Variants in MAP4K2 observed in about 807,000 individuals in gnomAD.
MAP4K2 encodes mitogen-activated protein kinase kinase kinase kinase 2.
Under a neutral mutation model 125.3 loss-of-function variants are expected in MAP4K2, and 85 were observed. The ratio of observed to expected loss-of-function variants is 0.68; its 90% confidence interval spans 0.57 to 0.81. MAP4K2 has a LOEUF of 0.81. Among genes scored for constraint, MAP4K2 ranks in the 40% least tolerant of loss-of-function variants. The pLI, the probability that MAP4K2 is intolerant of heterozygous loss-of-function variation, is 0.00. For synonymous variants in MAP4K2, 479 were observed against 445.1 expected, an observed-to-expected ratio of 1.08 and a Z score of -0.96; for missense variants, 923 against 1,056.4, an observed-to-expected ratio of 0.87 and a Z score of 1.75.
Position 64,799,419 on chromosome 11 carries a change from A to T in MAP4K2, c.1053+2T>A. The T allele has an allele frequency of 1.9e-6, 3 of 1,612,382 alleles. No individual in the cohort carries two copies. Among genetic ancestry groups the T allele is most frequent in the Non-Finnish European group, 2.5e-6 (3 of 1,179,472 alleles). On this transcript the variant is annotated splice_donor_variant, in intron 14 of 31. Coordinates refer to ENST00000294066, the MANE Select transcript of MAP4K2 (RefSeq NM_004579.5). LOFTEE classifies it high-confidence loss of function. ...CCTTCCCCTCAAGGCCTGCCCACTC[A>T]CCGGCTCATTCAGTGGGTCAGTTTC...
At chr11:64,797,863 A>G (rs1012407472) in intron 15 of MAP4K2, among the ~76,000 whole-genome samples, 199 bp from the exon 16 acceptor site, 40 of 151,176 alleles carry the variant, frequency 2.6e-4, no homozygotes, top group Admixed American at 2.4e-3. Context: ...CCGCCACCGC[A>G]CCCGGCTAAT....
rs756968458 is a variant in MAP4K2, at chr11:64,789,543, G to A, written c.2457C>T (p.Thr819=). Residue 819 remains threonine, a synonymous_variant, in exon 32 of 32, where the codon ACC becomes ACT. Transcript: ENST00000294066. Reference sequence around the variant, plus strand: ...CTGGACAGGCCCGCTGCTCTTAGTAGGTGCTCTGGTGGCCCGTGAGGATGT... The same window carrying A: ...CTGGACAGGCCCGCTGCTCTTAGTAAGTGCTCTGGTGGCCCGTGAGGATGT... ...NLYILTGHQS[T]Y The A allele has an allele frequency of 7.0e-6, 11 of 1,582,518 alleles. No individual in the cohort carries two copies. Among genetic ancestry groups the A allele is most frequent in the Non-Finnish European group, 9.5e-6 (11 of 1,163,774 alleles).
In MAP4K2 at chr11:64,789,892, A is replaced by C. The variant is rs1344629267; in HGVS notation, c.2316T>G (p.Asn772Lys). The change falls in exon 30 of 32, where the codon AAT becomes AAG. Residue 772 changes from asparagine to lysine, a missense_variant. Physicochemically the swap from Asn to Lys is moderately conservative, Grantham distance 94. Transcript: ENST00000294066. The part of the protein sequence containing the change: ...HGMQGRSLDT[N>K]EVTQEITDET... ...AAGGTCCCTGGGCCCCACTCACCTC[A>C]TTGGTATCCAGGCTTCGGCCTTGCA... 6.2e-7 allele frequency: 1 copy of C among 1,613,996 alleles called. No homozygotes were observed. The highest frequency in any genetic ancestry group is 1.1e-5 in the South Asian group (1 of 91,088).
chr11:64,797,184 G>A lies in MAP4K2; in HGVS notation c.1285C>T (p.Pro429Ser). The A allele has an allele frequency of 1.2e-6, 2 of 1,613,520 alleles. No homozygotes were observed. Among genetic ancestry groups the A allele is most frequent in the South Asian group, 1.1e-5 (1 of 91,074 alleles). Residue 429 changes from proline (P) to serine (S), a missense_variant, in exon 19 of 32, where the codon CCC becomes TCC. By Grantham distance (74) the Pro-to-Ser change is moderately conservative. This residue lies in a region of MAP4K2 where 833 missense variants were observed against 911.4 expected (regional missense o/e 0.91). Coordinates refer to ENST00000294066, the MANE Select transcript of MAP4K2 (RefSeq NM_004579.5). ...CTGTTGGGGCCTGAAGGAGGTGGGG[G>A]CAGGGTTCCTGCAGGCACAGGCGTG... The part of the protein sequence containing the change: ...EPLSSPPGTL[P>S]PPPSGPNSSP...
At position 64,791,972 on chromosome 11, in the gene MAP4K2, G is replaced by C. The variant is rs374778757; in HGVS notation, c.2029C>G (p.Arg677Gly). Residue 677 changes from arginine (R) to glycine (G), a missense_variant, in exon 27 of 32, where the codon CGC becomes GGC. By Grantham distance (125) the Arg-to-Gly change is moderately radical. Coordinates refer to ENST00000294066, the MANE Select transcript of MAP4K2 (RefSeq NM_004579.5). ...GAEGPEGPGC[R>G]VLFHVLPLEA... ...AGGGGCAGGACATGGAACAGGACGC[G>C]GCAGCCGGGCCCCTCAGGCCCCTCG... 3.1e-6 allele frequency: 5 copies of C among 1,604,614 alleles called. No individual in the cohort carries two copies. In the South Asian group the frequency reaches 5.6e-5, roughly 18 times the overall value.
Position 64,788,196 on chromosome 11 carries a change from A to C in MAP4K2, c.*1341T>G, listed in dbSNP as rs1940278370. 1 of 152,334 alleles carries C rather than the reference A, an allele frequency of 6.6e-6. No homozygotes were observed. Among genetic ancestry groups the C allele is most frequent in the African/African-American group, 2.4e-5 (1 of 41,442 alleles). The allele number at this position is 152,334 out of a possible 1,614,324, so 9.4% of individuals were successfully genotyped here. A position where few individuals can be genotyped will look rare whatever the true frequency, so the allele number is the denominator to read the frequency against. On this transcript the variant is annotated 3_prime_UTR_variant, in exon 32 of 32. Transcript: ENST00000294066. ...CCATCCACCTACCACGTCACTCCGC[A>C]AGTCTTTATTGCCACCCACCAGGTG...
Position 64,801,730 on chromosome 11 carries a change from T to C in MAP4K2, c.394A>G (p.Lys132Glu). The C allele has an allele frequency of 6.2e-7, 1 of 1,613,714 alleles. No individual in the cohort carries two copies. The highest frequency in any genetic ancestry group is 1.1e-5 in the South Asian group (1 of 91,072). Residue 132 changes from lysine (K) to glutamate (E), a missense_variant, in exon 6 of 32, where the codon AAG (lysine) becomes GAG (glutamate). Physicochemically the swap from Lys to Glu is moderately conservative, Grantham distance 56. This residue lies in a region of MAP4K2 where 833 missense variants were observed against 911.4 expected (regional missense o/e 0.91). Transcript: ENST00000294066. The part of the protein sequence containing the change: ...KGLHHLHSQG[K>E]IHRDIKGANL... Reference sequence around the variant, plus strand: ...CCTACCTTGATGTCTCTGTGGATCTTCCCCTGAGAATGCAGGTGGTGGAGC... The same window carrying C: ...CCTACCTTGATGTCTCTGTGGATCTCCCCCTGAGAATGCAGGTGGTGGAGC...
chr11:64,802,749 C>A, intron 2 of MAP4K2, 96 bp from the exon 3 acceptor site: 1 of 1,472,608 alleles, frequency 6.8e-7, no homozygotes, highest in Non-Finnish European at 9.3e-7. Context: ...TCCCTCCGGG[C>A]CAGGCAGGTG....
intron 24 of MAP4K2, among the ~76,000 whole-genome samples, chr11:64,795,343 A>C (rs1181922142): frequency 1.3e-5 from 2 of 151,890 alleles, no homozygotes; most frequent in Non-Finnish European, 2.9e-5. Context: ...CGGCCTCTCA[A>C]AGTGCTAGGA....
intron 24 of MAP4K2, among the ~76,000 whole-genome samples, chr11:64,795,806 C>T (rs1426936219): frequency 1.3e-5 from 2 of 152,158 alleles, no homozygotes; most frequent in Non-Finnish European, 1.5e-5. Context: ...ATTGGGATTA[C>T]AGGCATGAAC....
At chr11:64,800,017 T>A in intron 12 of MAP4K2, 92 bp downstream of exon 12, 1 of 1,059,152 alleles carries the variant, frequency 9.4e-7, no homozygotes. Flanking sequence ...TGAGCTGGAA[T>A]GGTGCCAGTT....
At position 64,800,921 on chromosome 11, in the gene MAP4K2, A is replaced by T. The variant is rs766257056; in HGVS notation, c.641T>A (p.Leu214Gln). 2 of 1,614,034 alleles carry T rather than the reference A, an allele frequency of 1.2e-6. No individual in the cohort carries two copies. Among genetic ancestry groups the T allele is most frequent in the African/African-American group, 1.3e-5 (1 of 75,040 alleles). Residue 214 changes from leucine (L) to glutamine (Q), a missense_variant, in exon 9 of 32, where the codon CTG (leucine) becomes CAG (glutamine). Around this residue, in one of 2 missense-constraint regions of MAP4K2, gnomAD observed 833 missense variants for 911.4 expected, o/e 0.91. Transcript: ENST00000294066. Reference sequence around the variant, plus strand: ...TGACCTCATGGGGTGCAGGTGGAACAGAGGGGGCTGCAGCTCGCCCAGCTC... The same window carrying T: ...TGACCTCATGGGGTGCAGGTGGAACTGAGGGGGCTGCAGCTCGCCCAGCTC... ...AIELGELQPPLFHLHPMRALM... is the reference protein window; with the variant it reads ...AIELGELQPPQFHLHPMRALM...
At chr11:64,801,244 A>G in intron 7 of MAP4K2, 61 bp from the exon 8 acceptor site, 2 of 1,572,756 alleles carry the variant, frequency 1.3e-6, no homozygotes, top group Non-Finnish European at 1.7e-6. Flanking sequence ...TCCCACGCCC[A>G]GGGCTCTGGC....
intron 11 of MAP4K2, 36 bp from the exon 12 acceptor site, chr11:64,800,252 CCT>C (rs748504042): frequency 6.2e-7 from 1 of 1,612,744 alleles, no homozygotes; most frequent in Non-Finnish European, 8.5e-7. Context: ...CAGGTTGGCC[CCT>C]GATCCAGGGC....
At chr11:64,794,244 C>T (rs571263715) in intron 24 of MAP4K2, among the ~76,000 whole-genome samples, 174 of 152,374 alleles carry the variant, frequency 1.1e-3, no homozygotes, top group African/African-American at 4.0e-3. Flanking sequence ...CTGCATTCTT[C>T]CTGACACCCA....
intron 7 of MAP4K2, 75 bp downstream of exon 7, chr11:64,801,504 C>T (rs1178904983): frequency 6.5e-7 from 1 of 1,548,546 alleles, no homozygotes; most frequent in Non-Finnish European, 8.9e-7. Flanking sequence ...CCCAGTGACA[C>T]CCAACCCTTG....
intron 10 of MAP4K2, 31 bp downstream of exon 10, chr11:64,800,732 AG>A: frequency 1.3e-6 from 2 of 1,578,500 alleles, no homozygotes; most frequent in Non-Finnish European, 1.7e-6. Flanking sequence ...CTGACAGAAA[AG>A]GGGGTCCCGG....
At position 64,800,973 on chromosome 11, in the gene MAP4K2, C is replaced by T. The variant is rs752124999; in HGVS notation, c.589G>A (p.Val197Ile). 1.7e-5 allele frequency: 27 copies of T among 1,614,022 alleles called. No homozygotes were observed. The highest frequency in any genetic ancestry group is 2.2e-5 in the East Asian group (1 of 44,888). ...RKGGYNELCD[V>I]WALGITAIEL... is the part of the protein sequence containing the mutation. The stretch of plus-strand genomic sequence containing the variant: ...ATGGCAGTGATGCCCAGGGCCCAGA[C>T]GTCACATAGCTCATTGTAGCCACCT... Residue 197 changes from valine (V) to isoleucine (I), a missense_variant, in exon 9 of 32, where the codon GTC becomes ATC. Physicochemically the swap from Val to Ile is conservative, Grantham distance 29. Transcript: ENST00000294066.
Position 64,787,968 on chromosome 11 carries a change from C to T in MAP4K2, c.*1569G>A, listed in dbSNP as rs1712789787. 6.6e-6 allele frequency: 1 copy of T among 152,178 alleles called. No homozygotes were observed. Among genetic ancestry groups the T allele is most frequent in the Admixed American group, 6.5e-5 (1 of 15,280 alleles). 9.4% of individuals were successfully genotyped at this position (152,178 alleles called of 1,614,324 possible). A position where few individuals can be genotyped will look rare whatever the true frequency, so the allele number is the denominator to read the frequency against. On this transcript the variant is annotated 3_prime_UTR_variant, in exon 32 of 32. Transcript: ENST00000294066. The stretch of plus-strand genomic sequence containing the variant: ...ACCGACCCCAATTTGGAAGGTGCCC[C>T]TCACCCTCCTTGGGGCTCACGGGAA...
Sources: gnomAD v4.1 joint callset for allele counts (sites outside exome capture counted in the v4.1 genomes callset) on GRCh38, gnomAD v4.1.1 for gene constraint, gnomAD v4.1.1 regional missense constraint, MANE v1.5 for transcripts, NCBI Gene and HGNC (gene_info 2026-07-23, HGNC 2026-07-21) for gene names.